DNAH6: variants seen among roughly 807,000 people sequenced by gnomAD.
DNAH6 encodes axonemal beta dynein heavy chain 6.
DNAH6 carries 340 observed loss-of-function variants against 491.4 expected under a neutral mutation model. The ratio of observed to expected loss-of-function variants is 0.69; its 90% CI spans 0.63 to 0.76. DNAH6 has a LOEUF of 0.76. Ranked by LOEUF, DNAH6 falls within the 30% of genes least tolerant of loss-of-function variation. The pLI, the probability that DNAH6 is intolerant of heterozygous loss-of-function variation, is 0.00. For missense variants in DNAH6, 4,443 were observed against 4,972.2 expected (o/e 0.89, Z 3.20); for synonymous variants, 1,603 against 1,686.1 (o/e 0.95, Z 1.21).
Position 84,718,326 on chromosome 2 carries a change from C to G in DNAH6, c.9734C>G (p.Thr3245Ser). The change falls in exon 59 of 77, where the codon ACC becomes AGC. Residue 3245 changes from threonine (T) to serine (S), a missense_variant. Thr to Ser is a moderately conservative substitution (Grantham distance 58). Coordinates refer to ENST00000389394, the MANE Select transcript of DNAH6 (RefSeq NM_001370.2). ...GAGAAAATCCTGAGAATGCTCTTTA[C>G]CTCTGAAGGAAATATTCTGGACAAT... ...IEEKILRMLFTSEGNILDNEE... is the reference protein window; with the variant it reads ...IEEKILRMLFSSEGNILDNEE... The G allele has an allele frequency of 6.4e-7, 1 of 1,551,160 alleles. No individual in the cohort carries two copies.
At chr2:84,643,161 G>A (rs1232261618) in intron 33 of DNAH6, among the ~76,000 whole-genome samples, 3 of 152,134 alleles carry the variant, frequency 2.0e-5, no homozygotes, top group African/African-American at 7.2e-5. Flanking sequence ...TTCTAGGTTG[G>A]TGGGGTTTTC....
intron 63 of DNAH6, among the ~76,000 whole-genome samples, chr2:84,760,603 A>T (rs1051454180): frequency 2.0e-5 from 3 of 152,178 alleles, no homozygotes; most frequent in African/African-American, 7.2e-5. Flanking sequence ...AACCACAATG[A>T]GATATTATCA....
At chr2:84,686,671 G>A (rs1427162482) in intron 44 of DNAH6, 114 bp downstream of exon 44, 2 of 651,974 alleles carry the variant, frequency 3.1e-6, no homozygotes, top group East Asian at 6.3e-5. Context: ...TAAGATCTAG[G>A]CCAGATGTCA....
At chr2:84,697,306 A>G (rs891920476) in intron 46 of DNAH6, among the ~76,000 whole-genome samples, 6 of 152,194 alleles carry the variant, frequency 3.9e-5, no homozygotes, top group Non-Finnish European at 8.8e-5. Flanking sequence ...TTAATGATAA[A>G]ATGGTAACTG....
At position 84,641,420 on chromosome 2, in the gene DNAH6, G is replaced by A. The variant is rs552191162; in HGVS notation, c.4971-527G>A. On this transcript the variant is annotated intron_variant, in intron 32 of 76. Transcript: ENST00000389394. ...TAAGAACTTGAGATACACTTGCACT[G>A]GAGGAGCACAACTACAGTCCAGTGG... 3.8e-4 allele frequency among the ~76,000 whole-genome samples: 58 copies of A among 152,132 alleles called. 1 individual carries two copies. The highest frequency in any genetic ancestry group is 7.6e-4 in the Non-Finnish European group (52 of 68,030).
At chr2:84,649,748 A>G (rs1690242471) in intron 33 of DNAH6, among the ~76,000 whole-genome samples, 1 of 152,108 alleles carries the variant, frequency 6.6e-6, no homozygotes, top group African/African-American at 2.4e-5. Context: ...AGGGACATGG[A>G]TGAAGCTGGA....
In DNAH6 at chr2:84,722,684, C is replaced by G; in HGVS notation, c.9852C>G (p.Ile3284Met). ...AAGCAGAGTCCACTGAGCAGATGAT[C>G]AATGTGGCTCGTGAGAAGTATCGTC... ...LEEAESTEQMINVAREKYRPV... is the reference protein window; with the variant it reads ...LEEAESTEQMMNVAREKYRPV... Residue 3284 changes from isoleucine (I) to methionine (M), a missense_variant, in exon 60 of 77, where the codon ATC becomes ATG. By Grantham distance (10) the Ile-to-Met change is conservative. This residue lies in a region of DNAH6 where 1,463 missense variants were observed against 1,656.6 expected (regional missense o/e 0.88). Coordinates refer to ENST00000389394, the MANE Select transcript of DNAH6 (RefSeq NM_001370.2). 6.5e-7 allele frequency: 1 copy of G among 1,550,284 alleles called. No individual in the cohort carries two copies. The highest frequency in any genetic ancestry group is 8.7e-7 in the Non-Finnish European group (1 of 1,146,484).
chr2:84,491,307 C>T, the DNAH6 span, among the ~76,000 whole-genome samples: 134,102 of 152,220 alleles, frequency 0.88, 60,015 homozygotes, highest in East Asian at 1. Flanking sequence ...GTATGGCAGA[C>T]ATATTTTCCA....
At chr2:84,740,678 C>T (rs1170939265) in intron 62 of DNAH6, among the ~76,000 whole-genome samples, 2 of 152,168 alleles carry the variant, frequency 1.3e-5, no homozygotes, top group Admixed American at 6.5e-5. Context: ...GCTGGTGGGG[C>T]ACTGTTCCCC....
the DNAH6 span, among the ~76,000 whole-genome samples, chr2:84,508,625 C>T: frequency 2.6e-5 from 4 of 152,068 alleles, no homozygotes; most frequent in Non-Finnish European, 5.9e-5. Flanking sequence ...AATGTGTTTG[C>T]TCTTGCTTCT....
At chr2:84,755,473 A>G (rs149530312) in intron 63 of DNAH6, among the ~76,000 whole-genome samples, 409 of 152,286 alleles carry the variant, frequency 2.7e-3, no homozygotes, top group African/African-American at 9.6e-3. Context: ...TCTCATTACT[A>G]CTGTATAGAA....
At chr2:84,706,838 A>G in intron 52 of DNAH6, 58 bp from the exon 53 acceptor site, 1 of 1,502,692 alleles carries the variant, frequency 6.7e-7, no homozygotes, top group Non-Finnish European at 8.8e-7. Flanking sequence ...TGTATTATTA[A>G]TGGGCAAATT....
At chr2:84,724,165 C>T (rs1242186879) in intron 60 of DNAH6, among the ~76,000 whole-genome samples, 4 of 152,312 alleles carry the variant, frequency 2.6e-5, no homozygotes, top group Non-Finnish European at 2.9e-5. Context: ...ACTCAGCCAA[C>T]GAAGGCCTCT....
At chr2:84,758,169 C>T (rs776999745) in intron 63 of DNAH6, among the ~76,000 whole-genome samples, 2 of 152,070 alleles carry the variant, frequency 1.3e-5, no homozygotes, top group East Asian at 1.9e-4. Flanking sequence ...GTCCTGTTTG[C>T]GAGAAAAATA....
At chr2:84,714,747 A>G (rs1697360947) in intron 57 of DNAH6, among the ~76,000 whole-genome samples, 1 of 151,830 alleles carries the variant, frequency 6.6e-6, no homozygotes, top group Non-Finnish European at 1.5e-5. Flanking sequence ...TATTGCCCAC[A>G]AGACCCAAGC....
At chr2:84,492,587 T>C in the DNAH6 span, among the ~76,000 whole-genome samples, 119 of 152,374 alleles carry the variant, frequency 7.8e-4, no homozygotes, top group Admixed American at 4.7e-3. Flanking sequence ...TTCTAATTTT[T>C]CTGAGTTTCC....
rs374717865 is a variant in DNAH6, at chr2:84,577,273, T to C, written c.1941T>C (p.Ser647=). The change falls in exon 13 of 77, where the codon AGT becomes AGC. Residue 647 remains serine, a synonymous_variant. Coordinates refer to ENST00000389394, the MANE Select transcript of DNAH6 (RefSeq NM_001370.2). ...TTTATGTAGATATTAACTTTTTTAG[T>C]GAACAACTGGAAAAATATCACAAAC... The part of the protein sequence containing the change: ...KLQEPDINFF[S]EQLEKYHKQH... 13 of 1,584,736 alleles carry C rather than the reference T, an allele frequency of 8.2e-6. No individual in the cohort carries two copies. The highest frequency in any genetic ancestry group is 1.1e-5 in the Non-Finnish European group (13 of 1,169,444).
Position 84,745,227 on chromosome 2 carries a change from T to C in DNAH6, c.10490T>C (p.Ile3497Thr), listed in dbSNP as rs1199678165. The change falls in exon 63 of 77, where the codon ATT becomes ACT. Residue 3497 changes from isoleucine (I) to threonine (T), a missense_variant. By Grantham distance (89) the Ile-to-Thr change is moderately conservative. Transcript: ENST00000389394. ...GLSSFHKLIL[I>T]KCCKEEKVVF... is the part of the protein sequence containing the mutation. ...AGTTCTTTCCATAAGCTAATTCTTA[T>C]TAAATGTTGTAAAGAAGAAAAGGTA... The C allele has an allele frequency of 2.6e-6, 4 of 1,514,638 alleles. No homozygotes were observed. Among genetic ancestry groups the C allele is most frequent in the Non-Finnish European group, 3.5e-6 (4 of 1,133,810 alleles). The allele number at this position is 1,514,638 out of a possible 1,614,324, so 93.8% of individuals were successfully genotyped here.
intron 68 of DNAH6, among the ~76,000 whole-genome samples, chr2:84,795,861 A>T (rs1180814072): frequency 6.6e-6 from 1 of 152,202 alleles, no homozygotes; most frequent in African/African-American, 2.4e-5. Flanking sequence ...TGATAGCAAT[A>T]ATTAATAAGA....
Sources: gnomAD v4.1 joint callset for allele counts (sites outside exome capture counted in the v4.1 genomes callset) on GRCh38, gnomAD v4.1.1 for gene constraint, gnomAD v4.1.1 regional missense constraint, MANE v1.5 for transcripts, NCBI Gene and HGNC (gene_info 2026-07-23, HGNC 2026-07-21) for gene names.